CC2D2B: variants seen among roughly 807,000 people sequenced by gnomAD.
The protein encoded by CC2D2B is coiled-coil and C2 domain containing 2B, also known as protein CC2D2B.
Under a neutral mutation model 161.2 loss-of-function variants are expected in CC2D2B, and 128 were observed. The observed-to-expected ratio is 0.79, with a 90% CI of 0.69 to 0.92. The LOEUF (loss-of-function observed/expected upper bound fraction) is 0.92. CC2D2B is among the 40% of genes least tolerant of loss of function. The pLI is 0.00. For missense variants in CC2D2B, 1,173 were observed against 1,375.1 expected, an observed-to-expected ratio of 0.85 and a Z score of 2.32; for synonymous variants, 391 against 449.8, an observed-to-expected ratio of 0.87 and a Z score of 1.65.
intron 24 of CC2D2B, among the ~76,000 whole-genome samples, chr10:96,002,027 C>T (rs1432435581): frequency 6.6e-6 from 1 of 152,004 alleles, no homozygotes; most frequent in East Asian, 1.9e-4. Flanking sequence ...AATGTGTGGT[C>T]ATGTGTGTTT....
chr10:96,014,547 A>G (rs79016216), intron 29 of CC2D2B, among the ~76,000 whole-genome samples: 3 of 152,328 alleles, frequency 2.0e-5, no homozygotes, highest in African/African-American at 7.2e-5. Flanking sequence ...CACCTAACAC[A>G]CAGTCTTTGG....
At chr10:96,008,653 T>A in intron 25 of CC2D2B, among the ~76,000 whole-genome samples, 1 of 152,138 alleles carries the variant, frequency 6.6e-6, no homozygotes. Context: ...ACTAATGGTG[T>A]TAGGCACCCT....
chr10:95,935,717 C>T (rs897412030), intron 6 of CC2D2B, among the ~76,000 whole-genome samples: 3 of 152,140 alleles, frequency 2.0e-5, no homozygotes, highest in African/African-American at 7.2e-5. Context: ...AAAGCTCTTT[C>T]CTTTTCCGTA....
In CC2D2B at chr10:95,988,158, T is replaced by C. The variant is rs2077805106; in HGVS notation, c.2287-92T>C. The C allele has an allele frequency of 1.2e-5, 5 of 431,112 alleles. No homozygotes were observed. The East Asian group carries it at 1.8e-4, about 16-fold the overall frequency. 26.7% of individuals were successfully genotyped at this position (431,112 alleles called of 1,614,324 possible). The stretch of plus-strand genomic sequence containing the variant: ...CAGAATGTTTCCAGTGTCTTACACA[T>C]GGACTGAAGTGACTAGTGATATTTA... On this transcript the variant is annotated intron_variant, in intron 19 of 34. Coordinates refer to ENST00000646931, the MANE Select transcript of CC2D2B (RefSeq NM_001349008.3).
intron 34 of CC2D2B, among the ~76,000 whole-genome samples, chr10:96,029,288 A>ATATATATG (rs2079953185): frequency 1.3e-5 from 1 of 74,480 alleles, no homozygotes. Context: ...ATATATATGT[A>ATATATATG]TATATATATA....
chr10:96,003,366 C>G (rs546819396), intron 24 of CC2D2B, among the ~76,000 whole-genome samples: 171 of 152,006 alleles, frequency 1.1e-3, no homozygotes, highest in African/African-American at 4.1e-3. Flanking sequence ...TCCATTATCC[C>G]AGTTTCTGCT....
intron 11 of CC2D2B, among the ~76,000 whole-genome samples, chr10:95,960,992 A>G (rs78640251): frequency 7.4e-4 from 112 of 152,246 alleles, no homozygotes; most frequent in African/African-American, 2.7e-3. Flanking sequence ...GAACCGTCCA[A>G]ATAGAACTTA....
rs201906577 is a variant in CC2D2B, at chr10:96,013,374, C to CA, written c.3427-401dup. The stretch of plus-strand genomic sequence containing the variant: ...AAAATAATTGTGATAGATTTTGAAC[C>CA]AAAAAAAAAAAAACCTTTGCTATTC... On this transcript the variant is annotated intron_variant, in intron 28 of 34. Coordinates refer to ENST00000646931, the MANE Select transcript of CC2D2B (RefSeq NM_001349008.3). Among the ~76,000 whole-genome samples, 437 of 126,482 alleles carry CA rather than the reference C, an allele frequency of 3.5e-3. 3 individuals carry two copies. Among genetic ancestry groups the CA allele is most frequent in the East Asian group, 0.029 (129 of 4,476 alleles). 83.0% of individuals were successfully genotyped at this position (126,482 alleles called of 152,430 possible). A position where few individuals can be genotyped will look rare whatever the true frequency, so the allele number is the denominator to read the frequency against.
At chr10:96,005,405 C>G (rs1320266603) in intron 25 of CC2D2B, among the ~76,000 whole-genome samples, 1 of 152,116 alleles carries the variant, frequency 6.6e-6, no homozygotes, top group Non-Finnish European at 1.5e-5. Context: ...GCCTTGCATT[C>G]TTGTCCTCCT....
In CC2D2B at chr10:95,938,037, A is replaced by C. The variant is rs772094765; in HGVS notation, c.383A>C (p.Asn128Thr). The C allele has an allele frequency of 1.3e-6, 2 of 1,551,222 alleles. No individual in the cohort carries two copies. The highest frequency in any genetic ancestry group is 2.4e-5 in the South Asian group (2 of 84,038). Residue 128 changes from asparagine to threonine, a missense_variant, in exon 7 of 35, where the codon AAT (asparagine) becomes ACT (threonine). Physicochemically the swap from Asn to Thr is moderately conservative, Grantham distance 65. This residue lies in a region of CC2D2B where 298 missense variants were observed against 261.2 expected (regional missense o/e 1.14). Transcript: ENST00000646931. ...SYPKCFSLGV[N>T]LQNVAESEEE... Reference sequence around the variant, plus strand: ...CCCAAATGCTTTTCACTTGGTGTTAATTTACAAAATGTTGCTGAGAGTGAA... The same window carrying C: ...CCCAAATGCTTTTCACTTGGTGTTACTTTACAAAATGTTGCTGAGAGTGAA...
chr10:96,019,234 C>G lies in CC2D2B; in HGVS notation c.3662C>G (p.Thr1221Ser). 1 of 1,611,714 alleles carries G rather than the reference C, an allele frequency of 6.2e-7. No homozygotes were observed. The highest frequency in any genetic ancestry group is 8.5e-7 in the Non-Finnish European group (1 of 1,178,896). The change falls in exon 31 of 35, where the codon ACT (threonine) becomes AGT (serine). Residue 1221 changes from threonine (T) to serine (S), a missense_variant. Physicochemically the swap from Thr to Ser is moderately conservative, Grantham distance 58 (BLOSUM62 1). Coordinates refer to ENST00000646931, the MANE Select transcript of CC2D2B (RefSeq NM_001349008.3). ...GTGGCTTATGTAGTAACTCAAGAAA[C>G]TAATGAATATTTGCTTTGGAATCCA... ...GHVAYVVTQE[T>S]NEYLLWNPST...
At chr10:95,932,399 T>A (rs1399089988) in intron 6 of CC2D2B, among the ~76,000 whole-genome samples, 1 of 152,238 alleles carries the variant, frequency 6.6e-6, no homozygotes, top group Non-Finnish European at 1.5e-5. Context: ...AATATTGTTC[T>A]GTGTGAATCT....
intron 18 of CC2D2B, among the ~76,000 whole-genome samples, chr10:95,982,979 C>A (rs576662073): frequency 6.6e-6 from 1 of 152,084 alleles, no homozygotes; most frequent in South Asian, 2.1e-4. Context: ...ACCATGTTGG[C>A]CAAGCTGGTC....
At chr10:95,926,586 T>C (rs1478408413) in intron 5 of CC2D2B, among the ~76,000 whole-genome samples, 2 of 151,914 alleles carry the variant, frequency 1.3e-5, no homozygotes, top group African/African-American at 4.8e-5. Flanking sequence ...CTTTCATTCC[T>C]AGTAACTATG....
intron 6 of CC2D2B, among the ~76,000 whole-genome samples, chr10:95,931,394 T>G (rs1054083685): frequency 2.6e-5 from 4 of 152,214 alleles, no homozygotes; most frequent in Admixed American, 6.5e-5. Flanking sequence ...AGTTCTGCTC[T>G]GATCTTAGTT....
intron 25 of CC2D2B, among the ~76,000 whole-genome samples, chr10:96,006,962 T>C (rs2078776405): frequency 6.6e-6 from 1 of 152,196 alleles, no homozygotes; most frequent in Non-Finnish European, 1.5e-5. Flanking sequence ...GTATTGTTGA[T>C]CTTAAAATTC....
At chr10:96,003,010 A>G (rs1446830450) in intron 24 of CC2D2B, among the ~76,000 whole-genome samples, 2 of 115,956 alleles carry the variant, frequency 1.7e-5, no homozygotes, top group Non-Finnish European at 3.3e-5. Context: ...CCCTGTCTCA[A>G]AAAATAAATA....
chr10:96,005,882 T>A (rs1033753282), intron 25 of CC2D2B, among the ~76,000 whole-genome samples: 1 of 152,172 alleles, frequency 6.6e-6, no homozygotes, highest in Non-Finnish European at 1.5e-5. Context: ...AATACTTTTT[T>A]TAAAAAAATA....
intron 28 of CC2D2B, 45 bp downstream of exon 28, chr10:96,012,774 A>C: frequency 8.4e-7 from 1 of 1,183,498 alleles, no homozygotes; most frequent in Non-Finnish European, 1.3e-6. Context: ...ATTAAAGGGC[A>C]TCTGTGAAGA....
Sources: gnomAD v4.1 joint callset for allele counts (sites outside exome capture counted in the v4.1 genomes callset) on GRCh38, gnomAD v4.1.1 for gene constraint, gnomAD v4.1.1 regional missense constraint, MANE v1.5 for transcripts, NCBI Gene and HGNC (gene_info 2026-07-23, HGNC 2026-07-21) for gene names.